MTCL3: variants seen among roughly 807,000 people sequenced by gnomAD.
MTCL3 encodes MTCL family member 3.
At chr6:127,479,429 G>A in the MTCL3 span, among the ~76,000 whole-genome samples, 928 of 152,338 alleles carry the variant, frequency 6.1e-3, 10 homozygotes, top group African/African-American at 0.02. Flanking sequence ...GGGAAGCCAG[G>A]TAGGGTTGCA....
At chr6:127,475,271 C>T in the MTCL3 span, 1 of 1,563,390 alleles carries the variant, frequency 6.4e-7, no homozygotes, top group African/African-American at 1.4e-5. The surrounding 1 kb of genome is among the most constrained non-coding windows in gnomAD (Gnocchi z 7.3). Context: ...ACCGCCGTGG[C>T]TCGCAATAGG....
chr6:127,478,966 G>A, the MTCL3 span, among the ~76,000 whole-genome samples: 4 of 146,606 alleles, frequency 2.7e-5, no homozygotes, highest in South Asian at 2.2e-4. Flanking sequence ...GCAGTAAGCC[G>A]AGATTGCGCC....
the MTCL3 span, chr6:127,476,098 G>A: frequency 6.2e-7 from 1 of 1,614,066 alleles, no homozygotes; most frequent in Non-Finnish European, 8.5e-7. This position sits in a 1 kb window ranked among gnomAD's most constrained non-coding sequence, Gnocchi z 4.4. Context: ...CCGCAGCTCC[G>A]ACAGGGATTC....
the MTCL3 span, among the ~76,000 whole-genome samples, chr6:127,488,208 G>A: frequency 2.3e-4 from 35 of 152,212 alleles, no homozygotes; most frequent in Non-Finnish European, 3.5e-4. Context: ...ATACTCTCAT[G>A]ACCCACTTCC....
At chr6:127,507,530 G>C in the MTCL3 span, among the ~76,000 whole-genome samples, 1 of 152,096 alleles carries the variant, frequency 6.6e-6, no homozygotes, top group South Asian at 2.1e-4. Flanking sequence ...ACATGGAACT[G>C]TATATCTAAT....
chr6:127,514,832 C>T, the MTCL3 span: 19 of 1,611,798 alleles, frequency 1.2e-5, no homozygotes, highest in Non-Finnish European at 6.8e-6. Flanking sequence ...CCTTGAGGTC[C>T]TGCTCCAGGC....
chr6:127,481,330 C>T, the MTCL3 span: 1,079 of 985,332 alleles, frequency 1.1e-3, 8 homozygotes, highest in African/African-American at 0.017. Context: ...ACAGCAAAGA[C>T]AGAGTGGAAA....
At chr6:127,503,866 C>CT in the MTCL3 span, among the ~76,000 whole-genome samples, 8 of 151,638 alleles carry the variant, frequency 5.3e-5, no homozygotes, top group African/African-American at 1.5e-4. Context: ...TTCACAGCCA[C>CT]TTTTTTTTTC....
the MTCL3 span, chr6:127,515,374 C>G: frequency 3.6e-6 from 3 of 832,906 alleles, no homozygotes; most frequent in Non-Finnish European, 5.3e-6. The surrounding 1 kb of genome is among the most constrained non-coding windows in gnomAD (Gnocchi z 4.3). Flanking sequence ...GCCTAGGAAA[C>G]CCCCTCCCTC....
chr6:127,517,919 T>C, the MTCL3 span, among the ~76,000 whole-genome samples: 1 of 152,242 alleles, frequency 6.6e-6, no homozygotes, highest in African/African-American at 2.4e-5. Context: ...ATATTTGTTC[T>C]ATACAGAGAG....
the MTCL3 span, chr6:127,473,222 A>G: frequency 7.0e-7 from 1 of 1,425,022 alleles, no homozygotes; most frequent in Non-Finnish European, 9.2e-7. Context: ...TCTTGTCTTG[A>G]AGGGTGAACA....
the MTCL3 span, among the ~76,000 whole-genome samples, chr6:127,497,920 A>C: frequency 6.6e-6 from 1 of 152,190 alleles, no homozygotes; most frequent in Non-Finnish European, 1.5e-5. Context: ...TAGACTCCCG[A>C]CTCACTCTAT....
chr6:127,495,024 C>T, the MTCL3 span, among the ~76,000 whole-genome samples: 1 of 151,822 alleles, frequency 6.6e-6, no homozygotes, highest in Non-Finnish European at 1.5e-5. Flanking sequence ...GGTGAGACCC[C>T]GTCTCTACTA....
chr6:127,474,000 G>T, the MTCL3 span, among the ~76,000 whole-genome samples: 1 of 152,164 alleles, frequency 6.6e-6, no homozygotes, highest in Admixed American at 6.5e-5. Flanking sequence ...GAAAAATGCT[G>T]GTTTTCCCTG....
the MTCL3 span, among the ~76,000 whole-genome samples, chr6:127,496,413 T>A: frequency 1.3e-5 from 2 of 152,222 alleles, 1 homozygote; most frequent in Middle Eastern, 6.8e-3. Context: ...AAAAATAACA[T>A]CAGTGAAATT....
chr6:127,508,464 G>A, the MTCL3 span, among the ~76,000 whole-genome samples: 2 of 152,100 alleles, frequency 1.3e-5, no homozygotes, highest in South Asian at 4.1e-4. Flanking sequence ...AAAGTTCATT[G>A]TAATAGATAA....
At chr6:127,514,769 A>C in the MTCL3 span, 1 of 1,497,914 alleles carries the variant, frequency 6.7e-7, no homozygotes, top group Non-Finnish European at 9.1e-7. Context: ...GCCCTTGGCC[A>C]AAGTCCCCAC....
the MTCL3 span, among the ~76,000 whole-genome samples, chr6:127,511,374 C>T: frequency 6.6e-6 from 1 of 152,286 alleles, no homozygotes; most frequent in South Asian, 2.1e-4. Context: ...GACATACCTT[C>T]AACTGTACAT....
At chr6:127,516,446 T>A in the MTCL3 span, 1 of 1,599,772 alleles carries the variant, frequency 6.3e-7, no homozygotes, top group East Asian at 2.2e-5. Flanking sequence ...GGGGACCGGG[T>A]GGCCGCGATT....
Sources: allele counts gnomAD v4.1 joint callset (sites outside exome capture counted in the v4.1 genomes callset), GRCh38; gene constraint gnomAD v4.1.1; non-coding constraint Gnocchi (gnomAD v3.1); transcripts MANE v1.5; gene names NCBI Gene and HGNC (gene_info 2026-07-23, HGNC 2026-07-21).